Variants in OR9Q1 observed in about 807,000 individuals in gnomAD.
OR9Q1 encodes the protein olfactory receptor family 9 subfamily Q member 1.
For synonymous variants in OR9Q1, 153 were observed against 148.6 expected, an observed-to-expected ratio of 1.03 and a Z score of -0.22; for missense variants, 374 against 378.8, an observed-to-expected ratio of 0.99 and a Z score of 0.11.
At chr11:58,034,100 T>TTAA (rs1491270158) in intron 1 of OR9Q1, among the ~76,000 whole-genome samples, 7 of 103,354 alleles carry the variant, frequency 6.8e-5, no homozygotes, top group African/African-American at 2.1e-4. Flanking sequence ...TTTTTTTTTT[T>TTAA]AGACAGAGTC....
intron 2 of OR9Q1, among the ~76,000 whole-genome samples, chr11:58,146,715 C>T (rs906250779): frequency 5.9e-5 from 9 of 152,086 alleles, no homozygotes; most frequent in Non-Finnish European, 1.3e-4. Flanking sequence ...GAGAAATTAA[C>T]GTTTAAGCAG....
intron 1 of OR9Q1, among the ~76,000 whole-genome samples, chr11:58,052,600 TA>T (rs1046565868): frequency 3.2e-4 from 2 of 6,304 alleles, no homozygotes; most frequent in East Asian, 6.6e-3. Context: ...ATAATAATAA[TA>T]AAAAAAAAGA....
chr11:58,098,310 C>T (rs1001676573), intron 2 of OR9Q1, among the ~76,000 whole-genome samples: 9 of 151,994 alleles, frequency 5.9e-5, no homozygotes, highest in African/African-American at 2.2e-4. Flanking sequence ...GATTCTATTT[C>T]TTCTTGTTTT....
At chr11:58,117,037 A>G (rs530439324) in intron 2 of OR9Q1, 3 of 152,096 alleles carry the variant, frequency 2.0e-5, no homozygotes, top group Non-Finnish European at 4.4e-5. Context: ...CATTGCTTTC[A>G]TTGACTTTTA....
At chr11:58,043,975 G>A (rs61904012) in intron 1 of OR9Q1, 24,304 of 152,150 alleles carry the variant, frequency 0.16, 2,070 homozygotes, top group Non-Finnish European at 0.2. Flanking sequence ...GTTGGTGCCA[G>A]TTGATATCTG....
intron 2 of OR9Q1, among the ~76,000 whole-genome samples, chr11:58,114,230 A>G (rs1379046844): frequency 6.6e-6 from 1 of 152,122 alleles, no homozygotes; most frequent in Admixed American, 6.6e-5. Flanking sequence ...AAACAACCCA[A>G]TTAAGACCAT....
intron 1 of OR9Q1, among the ~76,000 whole-genome samples, chr11:58,030,494 G>T (rs182943075): frequency 1.3e-5 from 2 of 152,280 alleles, no homozygotes; most frequent in Admixed American, 6.5e-5. Flanking sequence ...AGGTATGCTT[G>T]CTTGGGAAAT....
Position 58,180,266 on chromosome 11 carries a change from T to C in OR9Q1, c.822T>C (p.Ser274=), listed in dbSNP as rs756006849. Residue 274 remains serine (S), a synonymous_variant, in exon 3 of 3, where the codon TCT becomes TCC. Transcript: ENST00000335397. ...CTTCGGAGAAGAATCGGGTAGTGTC[T>C]GTGCTTTACACAGAGGTCATCCCCA... ...DQSSEKNRVV[S]VLYTEVIPML... is the part of the protein sequence containing the mutation. 6.2e-7 allele frequency: 1 copy of C among 1,614,134 alleles called. No individual in the cohort carries two copies. The highest frequency in any genetic ancestry group is 8.5e-7 in the Non-Finnish European group (1 of 1,179,994).
In OR9Q1 at chr11:58,179,488, T is replaced by C. The variant is rs765076629; in HGVS notation, c.44T>C (p.Ile15Thr). 1.9e-6 allele frequency: 3 copies of C among 1,595,220 alleles called. No individual in the cohort carries two copies. The highest frequency in any genetic ancestry group is 2.6e-6 in the Non-Finnish European group (3 of 1,170,206). ...NLTLVTEFLL[I>T]AFTEYPEWAL... ...ACCTTGGTGACCGAGTTCCTCCTTATTGCATTCACTGAATATCCTGAATGG... is the reference window on the plus strand; with the variant it reads ...ACCTTGGTGACCGAGTTCCTCCTTACTGCATTCACTGAATATCCTGAATGG... The change falls in exon 3 of 3, where the codon ATT becomes ACT. Residue 15 changes from isoleucine (I) to threonine (T), a missense_variant. Ile to Thr is a moderately conservative substitution (Grantham distance 89). Coordinates refer to ENST00000335397, the MANE Select transcript of OR9Q1 (RefSeq NM_001005212.4).
chr11:58,102,746 C>T (rs540888350), intron 2 of OR9Q1, among the ~76,000 whole-genome samples: 26 of 152,130 alleles, frequency 1.7e-4, no homozygotes, highest in African/African-American at 5.3e-4. Context: ...CAGAGAGGAT[C>T]GGTTGGGTTG....
intron 2 of OR9Q1, among the ~76,000 whole-genome samples, chr11:58,091,808 T>C (rs1235268155): frequency 6.6e-6 from 1 of 152,212 alleles, no homozygotes; most frequent in African/African-American, 2.4e-5. Flanking sequence ...ACTTGTTTTA[T>C]GAATCTGTGT....
intron 1 of OR9Q1, among the ~76,000 whole-genome samples, chr11:58,055,203 T>G (rs1443321092): frequency 6.6e-6 from 1 of 152,158 alleles, no homozygotes; most frequent in Non-Finnish European, 1.5e-5. Flanking sequence ...ATCTTGAAAA[T>G]TAAATGCATT....
At chr11:58,167,297 T>A (rs553211309) in intron 2 of OR9Q1, among the ~76,000 whole-genome samples, 7 of 152,356 alleles carry the variant, frequency 4.6e-5, no homozygotes, top group African/African-American at 1.7e-4. Context: ...TTGTTTTTAG[T>A]ACTTTTCTGT....
At chr11:58,114,609 T>C (rs999034317) in intron 2 of OR9Q1, among the ~76,000 whole-genome samples, 1 of 152,166 alleles carries the variant, frequency 6.6e-6, no homozygotes, top group Non-Finnish European at 1.5e-5. Flanking sequence ...AGACCCTGAA[T>C]GATATACTTT....
intron 2 of OR9Q1, among the ~76,000 whole-genome samples, chr11:58,079,106 A>G (rs1232632937): frequency 6.6e-6 from 1 of 152,170 alleles, no homozygotes; most frequent in East Asian, 1.9e-4. Context: ...GCATGTGAAA[A>G]CTTCAGCTTC....
chr11:58,098,006 A>G (rs1416678107), intron 2 of OR9Q1, among the ~76,000 whole-genome samples: 1 of 152,204 alleles, frequency 6.6e-6, no homozygotes, highest in Non-Finnish European at 1.5e-5. Context: ...AGTGATGGAT[A>G]TGTCCTTTAT....
chr11:58,100,159 G>A lies in OR9Q1; in HGVS notation c.-15+44212G>A, dbSNP rs1853770294. 2.0e-5 allele frequency among the ~76,000 whole-genome samples: 3 copies of A among 152,276 alleles called. No homozygotes were observed. The South Asian group carries it at 6.2e-4, about 32-fold the overall frequency. Reference sequence around the variant, plus strand: ...TTTCAAGAGAGTGAGAGCAGAAGCTGTAAGTCTTCTTGAAACCTTGGCTCA... The same window carrying A: ...TTTCAAGAGAGTGAGAGCAGAAGCTATAAGTCTTCTTGAAACCTTGGCTCA... On this transcript the variant is annotated intron_variant, in intron 2 of 2. Transcript: ENST00000335397.
intron 2 of OR9Q1, among the ~76,000 whole-genome samples, chr11:58,109,903 G>T (rs1039185216): frequency 2.0e-5 from 3 of 152,272 alleles, no homozygotes; most frequent in Admixed American, 6.5e-5. Flanking sequence ...CTTGCTTATT[G>T]TCTGGGATGT....
chr11:58,077,655 G>A, intron 2 of OR9Q1: 1 of 152,166 alleles, frequency 6.6e-6, no homozygotes, highest in East Asian at 1.9e-4. Context: ...GATGACCCTA[G>A]TGCCAGCTAT....
Sources: allele counts gnomAD v4.1 joint callset (sites outside exome capture counted in the v4.1 genomes callset), GRCh38; gene constraint gnomAD v4.1.1; transcripts MANE v1.5; gene names NCBI Gene and HGNC (gene_info 2026-07-23, HGNC 2026-07-21).